The following MRPL27 variants were observed in gnomAD, a reference collection of about 807,000 sequenced individuals.
MRPL27 encodes the protein large ribosomal subunit protein bL27m.
Under a neutral mutation model 14.6 loss-of-function variants are expected in MRPL27, and 4 were observed. That is an observed-to-expected ratio of 0.27 (90% confidence interval 0.14 to 0.63). The LOEUF (loss-of-function observed/expected upper bound fraction) is 0.63. Among genes scored for constraint, MRPL27 ranks in the 20% least tolerant of loss-of-function variants. The pLI, the probability that MRPL27 is intolerant of heterozygous loss-of-function variation, is 0.85. For synonymous variants in MRPL27, 82 were observed against 75.5 expected, an observed-to-expected ratio of 1.09 and a Z score of -0.45; for missense variants, 196 against 192.8, an observed-to-expected ratio of 1.02 and a Z score of -0.10.
At chr17:50,369,314 C>T (rs945535869) in intron 3 of MRPL27, 1 of 157,384 alleles carries the variant, frequency 6.4e-6, no homozygotes, top group African/African-American at 2.4e-5. Context: ...ATAATCAATT[C>T]ACATACAAAT....
Position 50,373,148 on chromosome 17 carries a change from A to T in MRPL27, c.23T>A (p.Leu8Gln). ...CCCATTACCGGCTGTCCGGGTCCTCAGCGCCAACACCACCGACGCCATGCT... is the reference window on the plus strand; with the variant it reads ...CCCATTACCGGCTGTCCGGGTCCTCTGCGCCAACACCACCGACGCCATGCT... MASVVLA[L>Q]RTRTAVTSLL... The change falls in exon 1 of 4, where the codon CTG becomes CAG. Residue 8 changes from leucine (L) to glutamine (Q), a missense_variant. Coordinates refer to ENST00000225969, the MANE Select transcript of MRPL27 (RefSeq NM_016504.3). The T allele has an allele frequency of 6.2e-7, 1 of 1,613,696 alleles. No individual in the cohort carries two copies. The highest frequency in any genetic ancestry group is 8.5e-7 in the Non-Finnish European group (1 of 1,179,800).
intron 2 of MRPL27, 75 bp from the exon 3 acceptor site, chr17:50,370,174 A>G (rs1404046848): frequency 6.9e-7 from 1 of 1,451,218 alleles, no homozygotes; most frequent in Non-Finnish European, 9.4e-7. Context: ...AATGCTGCAC[A>G]CCAACCTCCA....
At chr17:50,372,254 T>TGG (rs1567812872) in intron 1 of MRPL27, among the ~76,000 whole-genome samples, 2 of 144,616 alleles carry the variant, frequency 1.4e-5, no homozygotes, top group South Asian at 2.3e-4. Context: ...TCTTTTTTTT[T>TGG]TGGGGGGGGG....
chr17:50,370,065 T>C lies in MRPL27; in HGVS notation c.207A>G (p.Thr69=). 1 of 1,613,802 alleles carries C rather than the reference T, an allele frequency of 6.2e-7. No individual in the cohort carries two copies. The highest frequency in any genetic ancestry group is 8.5e-7 in the Non-Finnish European group (1 of 1,179,928). ...CTGGGTGCCAGCGGAAATGGCGCTGTGTTGCAATGATGTTCCCAGCATGAA... is the reference window on the plus strand; with the variant it reads ...CTGGGTGCCAGCGGAAATGGCGCTGCGTTGCAATGATGTTCCCAGCATGAA... ...HYVHAGNIIA[T]QRHFRWHPGA... The change falls in exon 3 of 4, where the codon ACA becomes ACG. Residue 69 remains threonine (T), a synonymous_variant. Transcript: ENST00000225969.
chr17:50,368,052 A>T lies in MRPL27; in HGVS notation c.*40T>A. On this transcript the variant is annotated 3_prime_UTR_variant, in exon 4 of 4. Transcript: ENST00000225969. Reference sequence around the variant, plus strand: ...ACTTCTGGTATCACCATCTCCTGTCACCTGGGCTCCAGTCTCTGTCCGATG... The same window carrying T: ...ACTTCTGGTATCACCATCTCCTGTCTCCTGGGCTCCAGTCTCTGTCCGATG... 1 of 1,609,320 alleles carries T rather than the reference A, an allele frequency of 6.2e-7. No homozygotes were observed.
At chr17:50,368,705 A>G (rs1204988220) in intron 3 of MRPL27, 1 of 603,954 alleles carries the variant, frequency 1.7e-6, no homozygotes, top group East Asian at 2.8e-5. Context: ...AGTGATCTAT[A>G]AAGTTTAGGC....
chr17:50,367,938 G>T lies in MRPL27; in HGVS notation c.*154C>A. On this transcript the variant is annotated 3_prime_UTR_variant, in exon 4 of 4. Coordinates refer to ENST00000225969, the MANE Select transcript of MRPL27 (RefSeq NM_016504.3). ...GGCCCCAGGTCAGGTCTCCCAAAGG[G>T]TTTCCCAGCAGTCACTTCAGAGTCT... The T allele has an allele frequency of 2.4e-6, 2 of 816,806 alleles. No homozygotes were observed. Among genetic ancestry groups the T allele is most frequent in the Non-Finnish European group, 3.8e-6 (2 of 524,484 alleles). 50.6% of individuals were successfully genotyped at this position (816,806 alleles called of 1,614,324 possible).
In MRPL27 at chr17:50,370,091, C is replaced by CAT. The variant is rs1487588336; in HGVS notation, c.179_180dup (p.Val61MetfsTer37). 2.6e-5 allele frequency: 42 copies of CAT among 1,611,964 alleles called. No homozygotes were observed. Among genetic ancestry groups the CAT allele is most frequent in the Non-Finnish European group, 3.1e-5 (37 of 1,179,434 alleles). Reference sequence around the variant, plus strand: ...GTTGCAATGATGTTCCCAGCATGAACATAGTGACCTAGAAGAGAAGTCCAC... The same window carrying CAT: ...GTTGCAATGATGTTCCCAGCATGAACATATAGTGACCTAGAAGAGAAGTCCAC... On this transcript the variant is annotated frameshift_variant, in exon 3 of 4. Coordinates refer to ENST00000225969, the MANE Select transcript of MRPL27 (RefSeq NM_016504.3). LOFTEE classifies it high-confidence loss of function.
At chr17:50,369,172 G>T in intron 3 of MRPL27, 2 of 347,950 alleles carry the variant, frequency 5.7e-6, no homozygotes, top group East Asian at 5.1e-5. Context: ...GTCATTTTGA[G>T]GATTAATGCT....
At chr17:50,368,572 G>A (rs762300904) in intron 3 of MRPL27, 25 of 593,396 alleles carry the variant, frequency 4.2e-5, no homozygotes, top group Non-Finnish European at 7.2e-5. Flanking sequence ...CTATGCAGCT[G>A]GTCAGAAGCC....
intron 1 of MRPL27, 81 bp from the exon 2 acceptor site, chr17:50,370,667 G>A (rs553459443): frequency 1.9e-6 from 3 of 1,586,414 alleles, no homozygotes; most frequent in Non-Finnish European, 8.6e-7. Flanking sequence ...TGATACGTGA[G>A]AGGCGGTGGG....
chr17:50,369,835 C>A, intron 3 of MRPL27, 197 bp downstream of exon 3: 1 of 676,638 alleles, frequency 1.5e-6, no homozygotes, highest in Non-Finnish European at 2.6e-6. Context: ...CTCCTTCCAC[C>A]CCGTCTAGGT....
Position 50,370,523 on chromosome 17 carries a change from G to A in MRPL27, c.104C>T (p.Ser35Leu), listed in dbSNP as rs376926567. Residue 35 changes from serine (S) to leucine (L), a missense_variant, in exon 2 of 4, where the codon TCG (serine) becomes TTG (leucine). Coordinates refer to ENST00000225969, the MANE Select transcript of MRPL27 (RefSeq NM_016504.3). ...ACCGAGGTTTTTGGAGCTACCACCCGACTTCTTGGATGCGTATCTGACAGC... is the reference window on the plus strand; with the variant it reads ...ACCGAGGTTTTTGGAGCTACCACCCAACTTCTTGGATGCGTATCTGACAGC... ...ALAVRYASKK[S>L]GGSSKNLGGK... 2.7e-5 allele frequency: 44 copies of A among 1,614,038 alleles called. No individual in the cohort carries two copies. The highest frequency in any genetic ancestry group is 1.3e-5 in the African/African-American group (1 of 74,908).
At chr17:50,370,135 G>A in intron 2 of MRPL27, 36 bp from the exon 3 acceptor site, 3 of 1,571,934 alleles carry the variant, frequency 1.9e-6, no homozygotes, top group South Asian at 1.1e-5. Flanking sequence ...GGGCAGCATA[G>A]CAAACTACCA....
At chr17:50,369,678 A>G (rs966928291) in intron 3 of MRPL27, 2 of 275,786 alleles carry the variant, frequency 7.3e-6, no homozygotes, top group African/African-American at 4.5e-5. Context: ...CAAGACTAAA[A>G]TAATATTTTA....
chr17:50,370,244 C>T, intron 2 of MRPL27, 145 bp from the exon 3 acceptor site: 1 of 1,135,276 alleles, frequency 8.8e-7, no homozygotes, highest in South Asian at 1.5e-5. Context: ...GCAGGATCTG[C>T]CACCCAGCAG....
intron 3 of MRPL27, chr17:50,369,464 T>A (rs886325924): frequency 6.0e-6 from 1 of 167,494 alleles, no homozygotes; most frequent in Non-Finnish European, 1.3e-5. Flanking sequence ...TATCGTTATG[T>A]CTCTGTAACA....
chr17:50,373,104 C>G lies in MRPL27; in HGVS notation c.40+27G>C, dbSNP rs925681979. On this transcript the variant is annotated intron_variant, in intron 1 of 3. Transcript: ENST00000225969. Reference sequence around the variant, plus strand: ...GCTCCACTCTGCCTCCCCGCCTCACCCCGCTCTGACTACTGCGTCCCATTA... The same window carrying G: ...GCTCCACTCTGCCTCCCCGCCTCACGCCGCTCTGACTACTGCGTCCCATTA... 4 of 1,613,854 alleles carry G rather than the reference C, an allele frequency of 2.5e-6. No homozygotes were observed. In the Admixed American group the frequency reaches 6.7e-5, roughly 27 times the overall value.
intron 3 of MRPL27, chr17:50,368,744 T>C (rs542502753): frequency 3.1e-6 from 2 of 652,834 alleles, no homozygotes; most frequent in South Asian, 3.4e-5. Flanking sequence ...CAAAGCTATA[T>C]GGATAATGCA....
Sources: allele counts gnomAD v4.1 joint callset (sites outside exome capture counted in the v4.1 genomes callset), GRCh38; gene constraint gnomAD v4.1.1; transcripts MANE v1.5; gene names NCBI Gene and HGNC (gene_info 2026-07-23, HGNC 2026-07-21).